FSTL5: variants seen among roughly 807,000 people sequenced by gnomAD.
FSTL5 encodes follistatin like 5.
A neutral mutation model predicts 89.1 loss-of-function variants in FSTL5; 62 were observed. That is an observed-to-expected ratio of 0.70 (90% CI 0.57 to 0.86). The LOEUF is 0.86. FSTL5 is among the 40% of genes least tolerant of loss of function. FSTL5 has a pLI of 0.00. For synonymous variants in FSTL5, 383 were observed against 346.2 expected (o/e 1.11, Z -1.18); for missense variants, 1,057 against 1,001.6 (o/e 1.06, Z -0.75).
chr4:161,952,742 A>G (rs922444035), intron 3 of FSTL5, among the ~76,000 whole-genome samples: 6 of 151,920 alleles, frequency 3.9e-5, no homozygotes, highest in African/African-American at 1.4e-4. Flanking sequence ...TAAAATAATG[A>G]TTCGGGTATT....
At chr4:161,409,396 T>TA (rs1731509675) in intron 15 of FSTL5, among the ~76,000 whole-genome samples, 1 of 152,066 alleles carries the variant, frequency 6.6e-6, no homozygotes, top group African/African-American at 2.4e-5. Context: ...TTATTATTAT[T>TA]TTTTTGAGAT....
chr4:161,766,675 T>C (rs1327788308), intron 5 of FSTL5, among the ~76,000 whole-genome samples: 3 of 152,202 alleles, frequency 2.0e-5, no homozygotes, highest in Non-Finnish European at 4.4e-5. Context: ...AAAATCTGGC[T>C]TCCCCTTAAA....
At chr4:161,422,346 G>A (rs972487761) in intron 15 of FSTL5, among the ~76,000 whole-genome samples, 3 of 152,046 alleles carry the variant, frequency 2.0e-5, no homozygotes, top group Non-Finnish European at 2.9e-5. Context: ...AATGTCTTTC[G>A]ATGTAAAGAG....
At chr4:161,833,071 G>T (rs1013530384) in intron 4 of FSTL5, among the ~76,000 whole-genome samples, 23 of 151,084 alleles carry the variant, frequency 1.5e-4, no homozygotes, top group Admixed American at 9.9e-4. Context: ...AGAGATTCTG[G>T]TATGTTGTGT....
intron 1 of FSTL5, among the ~76,000 whole-genome samples, chr4:162,154,927 A>G (rs147284008): frequency 6.6e-6 from 1 of 152,258 alleles, no homozygotes; most frequent in African/African-American, 2.4e-5. Context: ...TGTCTACTAC[A>G]CAGTTTAGGT....
chr4:161,834,645 T>C (rs1730971609), intron 4 of FSTL5, among the ~76,000 whole-genome samples: 1 of 152,148 alleles, frequency 6.6e-6, no homozygotes, highest in African/African-American at 2.4e-5. Context: ...ACAAGCATTC[T>C]TATACACCAA....
intron 7 of FSTL5, among the ~76,000 whole-genome samples, chr4:161,647,257 A>G (rs1019730955): frequency 1.3e-5 from 2 of 152,172 alleles, no homozygotes; most frequent in African/African-American, 4.8e-5. Flanking sequence ...TGAAGAGATG[A>G]TACTTTCTCC....
intron 8 of FSTL5, among the ~76,000 whole-genome samples, chr4:161,562,052 G>A (rs1051500839): frequency 6.6e-6 from 1 of 152,016 alleles, no homozygotes; most frequent in African/African-American, 2.4e-5. Context: ...GAGAGTGGAG[G>A]CGATGAGAAT....
chr4:161,522,466 A>C (rs1224737295), intron 10 of FSTL5, among the ~76,000 whole-genome samples: 2 of 152,076 alleles, frequency 1.3e-5, no homozygotes, highest in African/African-American at 4.8e-5. Context: ...CTCCCGTATT[A>C]TATAATGTTG....
chr4:161,485,632 A>G (rs187371712), intron 12 of FSTL5, among the ~76,000 whole-genome samples: 5 of 152,376 alleles, frequency 3.3e-5, no homozygotes, highest in African/African-American at 1.2e-4. Flanking sequence ...AGTGATTTGT[A>G]TTACAAAAGT....
chr4:161,838,578 C>A (rs1378006207), intron 4 of FSTL5, among the ~76,000 whole-genome samples: 1 of 152,170 alleles, frequency 6.6e-6, no homozygotes, highest in Non-Finnish European at 1.5e-5. Context: ...GCCACCGTGC[C>A]TGGCCTGGAA....
At chr4:162,137,142 A>G (rs1732551448) in intron 1 of FSTL5, among the ~76,000 whole-genome samples, 2 of 152,114 alleles carry the variant, frequency 1.3e-5, no homozygotes, top group South Asian at 2.1e-4. Flanking sequence ...CTATAAATCA[A>G]TAGTCATCAT....
At chr4:161,465,885 C>A (rs1032484026) in intron 13 of FSTL5, among the ~76,000 whole-genome samples, 10 of 152,136 alleles carry the variant, frequency 6.6e-5, no homozygotes, top group Non-Finnish European at 1.3e-4. Flanking sequence ...CCCTCTTCTG[C>A]AGTTTTATTG....
intron 7 of FSTL5, among the ~76,000 whole-genome samples, chr4:161,651,086 C>G (rs1388808326): frequency 2.0e-5 from 3 of 152,040 alleles, no homozygotes; most frequent in Non-Finnish European, 1.5e-5. Context: ...CTATATTTGT[C>G]TTTATGCTCG....
intron 5 of FSTL5, among the ~76,000 whole-genome samples, chr4:161,767,318 G>A (rs970184981): frequency 2.0e-5 from 3 of 152,148 alleles, no homozygotes; most frequent in Non-Finnish European, 4.4e-5. Context: ...AGTGACTCAC[G>A]ATGTACTTAC....
At chr4:162,070,518 G>T (rs941689538) in intron 2 of FSTL5, among the ~76,000 whole-genome samples, 2 of 151,738 alleles carry the variant, frequency 1.3e-5, no homozygotes, top group South Asian at 4.1e-4. Flanking sequence ...ATTTTGAGTT[G>T]ATTTTTGAAT....
intron 1 of FSTL5, among the ~76,000 whole-genome samples, chr4:162,125,008 T>G (rs1036991272): frequency 2.6e-5 from 4 of 152,182 alleles, no homozygotes; most frequent in African/African-American, 9.6e-5. Flanking sequence ...TGGCCTTCAC[T>G]ACTTTTCTTT....
At chr4:161,697,102 A>C (rs972631312) in intron 6 of FSTL5, among the ~76,000 whole-genome samples, 1 of 152,230 alleles carries the variant, frequency 6.6e-6, no homozygotes, top group Non-Finnish European at 1.5e-5. Flanking sequence ...CACACAACTC[A>C]GATCTCCATA....
At chr4:161,544,299 G>A (rs1731934042) in intron 8 of FSTL5, among the ~76,000 whole-genome samples, 2 of 151,936 alleles carry the variant, frequency 1.3e-5, no homozygotes, top group Admixed American at 6.6e-5. Flanking sequence ...TTGCTGGTGG[G>A]AATATAAAAT....
Sources: allele counts gnomAD v4.1 joint callset (sites outside exome capture counted in the v4.1 genomes callset), GRCh38; gene constraint gnomAD v4.1.1; transcripts MANE v1.5; gene names NCBI Gene and HGNC (gene_info 2026-07-23, HGNC 2026-07-21).